ESRRB: variants seen among roughly 807,000 people sequenced by gnomAD.
ESRRB encodes steroid hormone receptor ERR2.
Under a neutral mutation model 46.0 loss-of-function variants are expected in ESRRB, and 16 were observed. The observed-to-expected ratio is 0.35, with a 90% CI of 0.24 to 0.53. The LOEUF (loss-of-function observed/expected upper bound fraction) is 0.53. Among genes scored for constraint, ESRRB ranks in the 20% least tolerant of loss-of-function variants. ESRRB has a pLI of 0.93. For synonymous variants in ESRRB, 246 were observed against 259.6 expected, an observed-to-expected ratio of 0.95 and a Z score of 0.50; for missense variants, 488 against 607.4, an observed-to-expected ratio of 0.80 and a Z score of 2.07.
At chr14:76,373,881 G>T (rs916957280), upstream of ESRRB, among the ~76,000 whole-genome samples, 1 of 152,234 alleles carries the variant, frequency 6.6e-6, no homozygotes, top group African/African-American at 2.4e-5. Flanking sequence ...AACCAATGCA[G>T]ACCCCACTTT....
chr14:76,471,705 GTCATATCCC>G (rs1379711197), intron 3 of ESRRB, among the ~76,000 whole-genome samples: 5 of 152,320 alleles, frequency 3.3e-5, no homozygotes, highest in African/African-American at 1.2e-4. Flanking sequence ...ATTACTTGCT[GTCATATCCC>G]CTTGTATGCT....
rs1230481775 is a variant in ESRRB, at chr14:76,439,429, G to A, written c.139G>A (p.Gly47Ser). The change falls in exon 2 of 7, where the codon GGC becomes AGC. Residue 47 changes from glycine (G) to serine (S), a missense_variant. Coordinates refer to ENST00000644823, the MANE Select transcript of ESRRB (RefSeq NM_001379180.1). ...IKTEPSSPSS[G>S]IDALSHHSPS... Reference sequence around the variant, plus strand: ...GACTGAGCCGTCCAGCCCGTCCTCGGGCATCGATGCCCTCAGCCACCACAG... The same window carrying A: ...GACTGAGCCGTCCAGCCCGTCCTCGAGCATCGATGCCCTCAGCCACCACAG... 1.2e-6 allele frequency: 2 copies of A among 1,613,432 alleles called. No individual in the cohort carries two copies. The highest frequency in any genetic ancestry group is 2.2e-5 in the East Asian group (1 of 44,886).
At chr14:76,324,065 G>A (rs7151565) in intron 1 of ESRRB, among the ~76,000 whole-genome samples, 8,200 of 152,268 alleles carry the variant, frequency 0.054, 311 homozygotes, top group Middle Eastern at 0.15. Flanking sequence ...CAGGGGCAGA[G>A]CCTGAAATGG....
chr14:76,443,559 T>C (rs1286166834), intron 2 of ESRRB, among the ~76,000 whole-genome samples: 1 of 152,238 alleles, frequency 6.6e-6, no homozygotes, highest in Non-Finnish European at 1.5e-5. Context: ...TCTTTCTAAA[T>C]TGGAAGGTTG....
At position 76,479,363 on chromosome 14, in the gene ESRRB, C is replaced by T. The variant is rs147722598; in HGVS notation, c.578-2653C>T. 3.9e-5 allele frequency among the ~76,000 whole-genome samples: 6 copies of T among 152,194 alleles called. No individual in the cohort carries two copies. In the East Asian group the frequency reaches 1.2e-3, roughly 29 times the overall value. On this transcript the variant is annotated intron_variant, in intron 3 of 6. Coordinates refer to ENST00000644823, the MANE Select transcript of ESRRB (RefSeq NM_001379180.1). ...GCCAAAGCAGCCGGTAGCTGGGAGC[C>T]TCAGTTGCCCACAGCAGTACTGTCC...
chr14:76,461,092 C>T (rs74904068), intron 2 of ESRRB, among the ~76,000 whole-genome samples: 2 of 152,026 alleles, frequency 1.3e-5, no homozygotes, highest in African/African-American at 2.4e-5. Flanking sequence ...GTGCTCAATG[C>T]GTATTCGTTA....
chr14:76,380,949 G>A (rs759599503), intron 1 of ESRRB, among the ~76,000 whole-genome samples: 3 of 152,172 alleles, frequency 2.0e-5, no homozygotes, highest in African/African-American at 4.8e-5. Context: ...GGCTTTCACC[G>A]ATTTCTAGAG....
rs568166337 is a variant in ESRRB, at chr14:76,458,837, CTCCTTTTTTTTT to C, written c.461-3706_461-3695del. 4.5e-4 allele frequency among the ~76,000 whole-genome samples: 66 copies of C among 147,072 alleles called. No individual in the cohort carries two copies. The East Asian group carries it at 0.013, about 29-fold the overall frequency. ...CCATACCCTGGATTCTGTTCACCCTCTCCTTTTTTTTTTTTTTTTTTTTTTGAGACAGAGTCT... is the reference window on the plus strand; with the variant it reads ...CCATACCCTGGATTCTGTTCACCCTCTTTTTTTTTTTTTGAGACAGAGTCT... On this transcript the variant is annotated intron_variant, in intron 2 of 6. Transcript: ENST00000644823.
intron 2 of ESRRB, among the ~76,000 whole-genome samples, chr14:76,456,105 A>C (rs55946934): frequency 0.054 from 8,243 of 151,700 alleles, 734 homozygotes; most frequent in African/African-American, 0.19. Context: ...AGAATTGTCC[A>C]TCAGGATTTG....
chr14:76,423,936 T>C (rs1014411044), intron 1 of ESRRB, among the ~76,000 whole-genome samples: 1 of 152,042 alleles, frequency 6.6e-6, no homozygotes, highest in Non-Finnish European at 1.5e-5. Context: ...GGGGGGCAGA[T>C]CCTGAGGCCT....
chr14:76,351,339 C>T (rs757573316), intron 1 of ESRRB, among the ~76,000 whole-genome samples: 6 of 151,892 alleles, frequency 4.0e-5, no homozygotes, highest in Non-Finnish European at 8.8e-5. Flanking sequence ...CCCTATAAAA[C>T]CCTGGGGAGG....
chr14:76,342,455 A>G (rs1258421396), intron 1 of ESRRB, among the ~76,000 whole-genome samples: 1 of 152,198 alleles, frequency 6.6e-6, no homozygotes, highest in Non-Finnish European at 1.5e-5. Flanking sequence ...AATATTGCTG[A>G]TTACAGTAAG....
rs1884766120 is a variant in ESRRB at position 76,376,349 on chromosome 14, C to G, written c.-53C>G. 1 of 1,207,398 alleles carries G rather than the reference C, an allele frequency of 8.3e-7. No homozygotes were observed. The highest frequency in any genetic ancestry group is 3.2e-5 in the East Asian group (1 of 31,570). 74.8% of individuals were successfully genotyped at this position (1,207,398 alleles called of 1,614,324 possible). On this transcript the variant is annotated 5_prime_UTR_variant, in exon 1 of 7. Coordinates refer to ENST00000644823, the MANE Select transcript of ESRRB (RefSeq NM_001379180.1). The surrounding 1 kb of genome is among the most constrained non-coding windows in gnomAD (Gnocchi z 4.1). ...CCCGTGCCCTTCACTCGCTCTTCCGCGTGATTTCCCCGCCGTCTTTCTCTA... is the reference window on the plus strand; with the variant it reads ...CCCGTGCCCTTCACTCGCTCTTCCGGGTGATTTCCCCGCCGTCTTTCTCTA...
chr14:76,439,943 G>C (rs1197421383), intron 2 of ESRRB, among the ~76,000 whole-genome samples, 193 bp downstream of exon 2: 2 of 152,132 alleles, frequency 1.3e-5, no homozygotes, highest in African/African-American at 2.4e-5. Context: ...GACTGTTGTT[G>C]AGATGACACG....
At chr14:76,420,627 G>C (rs1042093065) in intron 1 of ESRRB, among the ~76,000 whole-genome samples, 1 of 137,454 alleles carries the variant, frequency 7.3e-6, no homozygotes, top group Non-Finnish European at 1.5e-5. Context: ...GAGACAGAGA[G>C]CAACACATTT....
At chr14:76,362,001 C>T (rs1884470476) in intron 1 of ESRRB, among the ~76,000 whole-genome samples, 1 of 152,224 alleles carries the variant, frequency 6.6e-6, no homozygotes, top group Admixed American at 6.5e-5. Context: ...AATGCCTCAG[C>T]TGTGCTCTGC....
chr14:76,452,852 T>G (rs1273413748), intron 2 of ESRRB, among the ~76,000 whole-genome samples: 1 of 152,036 alleles, frequency 6.6e-6, no homozygotes, highest in Non-Finnish European at 1.5e-5. Context: ...TGGATAAAGT[T>G]TTGGACATAT....
upstream of ESRRB, among the ~76,000 whole-genome samples, chr14:76,367,381 C>T (rs972221527): frequency 1.3e-5 from 2 of 151,766 alleles, no homozygotes; most frequent in African/African-American, 2.4e-5. Flanking sequence ...ATAGTGAGAC[C>T]CTGTCTCTAC....
intron 1 of ESRRB, among the ~76,000 whole-genome samples, chr14:76,364,857 C>T (rs1007497812): frequency 2.0e-5 from 3 of 152,114 alleles, no homozygotes; most frequent in Non-Finnish European, 2.9e-5. Flanking sequence ...CAGATTGGAT[C>T]ATTTTGAGCA....
Sources: gnomAD v4.1 joint callset for allele counts (sites outside exome capture counted in the v4.1 genomes callset) on GRCh38, gnomAD v4.1.1 for gene constraint, Gnocchi (gnomAD v3.1) non-coding constraint, MANE v1.5 for transcripts, NCBI Gene and HGNC (gene_info 2026-07-23, HGNC 2026-07-21) for gene names.